Variants in ANTXR2 observed in about 807,000 individuals in gnomAD.
The protein encoded by ANTXR2 is ANTXR cell adhesion molecule 2.
In ANTXR2, 44 loss-of-function variants were observed where a neutral mutation model predicts 73.7. That is an observed-to-expected ratio of 0.60 (90% confidence interval 0.47 to 0.77). ANTXR2 has a LOEUF of 0.77. Ranked by LOEUF, ANTXR2 falls within the 30% of genes least tolerant of loss-of-function variation. The pLI, the probability that ANTXR2 is intolerant of heterozygous loss-of-function variation, is 0.00. For missense variants in ANTXR2, 604 were observed against 592.5 expected (o/e 1.02, Z -0.20); for synonymous variants, 217 against 205.9 (o/e 1.05, Z -0.46).
intron 16 of ANTXR2, among the ~76,000 whole-genome samples, chr4:79,912,881 T>C (rs1252060257): frequency 6.6e-6 from 1 of 152,106 alleles, no homozygotes; most frequent in Non-Finnish European, 1.5e-5. Flanking sequence ...TAACTAAAAA[T>C]ATGATATGAT....
At chr4:80,011,340 ATCTG>A (rs1405848683) in intron 11 of ANTXR2, among the ~76,000 whole-genome samples, 17 of 151,570 alleles carry the variant, frequency 1.1e-4, no homozygotes, top group Admixed American at 2.0e-4. Flanking sequence ...CTATCTATCT[ATCTG>A]TCTGTCTATC....
In ANTXR2 at chr4:79,906,466, C is replaced by T. The variant is rs1203796024; in HGVS notation, c.*963G>A. On this transcript the variant is annotated 3_prime_UTR_variant, in exon 17 of 17. Transcript: ENST00000403729. ...TTGCTGGCTTGTGACGCTGAAGAGC[C>T]CTTGGAGACTTGAAGAAAGAAAAAA... 1.3e-5 allele frequency: 2 copies of T among 152,436 alleles called. No homozygotes were observed. Among genetic ancestry groups the T allele is most frequent in the Admixed American group, 1.3e-4 (2 of 15,236 alleles). The allele number at this position is 152,436 out of a possible 1,614,324, so 9.4% of individuals were successfully genotyped here.
Position 80,069,457 on chromosome 4 carries a change from A to G in ANTXR2, c.275T>C (p.Ile92Thr). The G allele has an allele frequency of 6.2e-7, 1 of 1,605,094 alleles. No individual in the cohort carries two copies. Among genetic ancestry groups the G allele is most frequent in the Admixed American group, 1.7e-5 (1 of 59,462 alleles). Residue 92 changes from isoleucine to threonine, a missense_variant, in exon 3 of 17, where the codon ATT (isoleucine) becomes ACT (threonine). Ile to Thr is a moderately conservative substitution (Grantham distance 89). Transcript: ENST00000403729. Reference sequence around the variant, plus strand: ...TAACCTGTCTCCAGTTAATGGCAAAATAATAGTTGCTTGAGAAGAAAACAC... The same window carrying G: ...TAACCTGTCTCCAGTTAATGGCAAAGTAATAGTTGCTTGAGAAGAAAACAC... ...FIVFSSQATI[I>T]LPLTGDRGKI... is the part of the protein sequence containing the mutation.
chr4:80,067,321 C>A (rs983915574), intron 3 of ANTXR2, among the ~76,000 whole-genome samples: 4 of 152,118 alleles, frequency 2.6e-5, no homozygotes, highest in Admixed American at 1.3e-4. Flanking sequence ...AAGATTTAAA[C>A]CCCTTCCATG....
intron 11 of ANTXR2, among the ~76,000 whole-genome samples, chr4:80,018,616 AATT>A (rs1333593642): frequency 1.3e-5 from 2 of 152,208 alleles, no homozygotes; most frequent in African/African-American, 2.4e-5. Flanking sequence ...TTCATTTGTA[AATT>A]ATTATCTTAC....
intron 7 of ANTXR2, among the ~76,000 whole-genome samples, chr4:80,037,640 T>C (rs1198578818): frequency 1.3e-5 from 2 of 152,158 alleles, no homozygotes; most frequent in African/African-American, 4.8e-5. Flanking sequence ...CATTCACTTT[T>C]ATGGATTCAA....
intron 3 of ANTXR2, among the ~76,000 whole-genome samples, chr4:80,056,441 C>T (rs975105795): frequency 1.3e-5 from 2 of 151,866 alleles, no homozygotes; most frequent in Non-Finnish European, 2.9e-5. Flanking sequence ...TTGTTATCTG[C>T]GAATTGCTAA....
intron 3 of ANTXR2, among the ~76,000 whole-genome samples, chr4:80,068,808 T>C (rs972965099): frequency 5.3e-5 from 8 of 152,128 alleles, no homozygotes; most frequent in Non-Finnish European, 1.2e-4. Context: ...TCAATGACTA[T>C]TTCTAACTTG....
intron 3 of ANTXR2, among the ~76,000 whole-genome samples, chr4:80,066,456 G>A (rs1013433481): frequency 3.3e-5 from 5 of 152,202 alleles, no homozygotes; most frequent in South Asian, 2.1e-4. Flanking sequence ...TATTTAGGAA[G>A]AGACAGAGGA....
At chr4:80,001,670 T>G (rs1460831281) in intron 12 of ANTXR2, among the ~76,000 whole-genome samples, 1 of 150,632 alleles carries the variant, frequency 6.6e-6, no homozygotes, top group East Asian at 2.0e-4. Context: ...CCCATTATTA[T>G]TGTGTGGGAG....
intron 16 of ANTXR2, among the ~76,000 whole-genome samples, chr4:79,910,195 A>T (rs1172569406): frequency 2.0e-5 from 3 of 152,156 alleles, no homozygotes; most frequent in Non-Finnish European, 4.4e-5. Flanking sequence ...AGTGCCTGAC[A>T]TATAGCAAAC....
chr4:80,061,571 T>C (rs1734260378), intron 3 of ANTXR2, among the ~76,000 whole-genome samples: 2 of 152,162 alleles, frequency 1.3e-5, no homozygotes, highest in Admixed American at 6.6e-5. Context: ...CATCCTGAAA[T>C]GTTTCTTTTA....
chr4:80,023,221 G>GT (rs1445211571), intron 10 of ANTXR2, among the ~76,000 whole-genome samples: 1 of 152,122 alleles, frequency 6.6e-6, no homozygotes, highest in African/African-American at 2.4e-5. Context: ...ATGTCAGGCA[G>GT]TTTCATGTAA....
At position 80,072,824 on chromosome 4, in the gene ANTXR2, C is replaced by T; in HGVS notation, c.-264G>A. On this transcript the variant is annotated 5_prime_UTR_variant, in exon 1 of 17. Coordinates refer to ENST00000403729, the MANE Select transcript of ANTXR2 (RefSeq NM_058172.6). ...CCAGTGGAAGCGCGATCCAGTCCTCCCCCTCCCGATTCCGGAGAGTTCCTG... is the reference window on the plus strand; with the variant it reads ...CCAGTGGAAGCGCGATCCAGTCCTCTCCCTCCCGATTCCGGAGAGTTCCTG... The T allele has an allele frequency of 1.3e-6, 1 of 798,002 alleles. No individual in the cohort carries two copies. The highest frequency in any genetic ancestry group is 1.7e-6 in the Non-Finnish European group (1 of 588,244). 49.4% of individuals were successfully genotyped at this position (798,002 alleles called of 1,614,324 possible). A position where few individuals can be genotyped will look rare whatever the true frequency, so the allele number is the denominator to read the frequency against.
At chr4:79,950,258 C>T (rs916169272) in intron 16 of ANTXR2, among the ~76,000 whole-genome samples, 2 of 152,048 alleles carry the variant, frequency 1.3e-5, no homozygotes, top group African/African-American at 2.4e-5. Context: ...TGTGCTATTC[C>T]TCACAAATGT....
At chr4:80,041,521 G>A (rs769327717) in intron 7 of ANTXR2, among the ~76,000 whole-genome samples, 4 of 151,626 alleles carry the variant, frequency 2.6e-5, no homozygotes, top group East Asian at 1.9e-4. Context: ...TGTTACATAC[G>A]TCAACATGTG....
At chr4:80,010,712 C>G (rs986379815) in intron 11 of ANTXR2, among the ~76,000 whole-genome samples, 1 of 152,040 alleles carries the variant, frequency 6.6e-6, no homozygotes, top group Non-Finnish European at 1.5e-5. Flanking sequence ...GCTAGCCCTG[C>G]TAGATACTCA....
In ANTXR2 at chr4:79,984,835, G is replaced by C. The variant is rs534683576; in HGVS notation, c.1070C>G (p.Ala357Gly). The part of the protein sequence containing the change: ...VVIKDPPPPP[A>G]PAPKEEEEEP... The stretch of plus-strand genomic sequence containing the variant: ...CTCACTTACCTCTTTTGGTGCAGGG[G>C]CGGGTGGTGGTGGAGGATCCTTAAT... The change falls in exon 13 of 17, where the codon GCC (alanine) becomes GGC (glycine). Residue 357 changes from alanine to glycine, a missense_variant. Coordinates refer to ENST00000403729, the MANE Select transcript of ANTXR2 (RefSeq NM_058172.6). The C allele has an allele frequency of 2.1e-4, 316 of 1,486,834 alleles. No individual in the cohort carries two copies. Among genetic ancestry groups the C allele is most frequent in the South Asian group, 1.2e-3 (103 of 84,158 alleles). The allele number at this position is 1,486,834 out of a possible 1,614,324, so 92.1% of individuals were successfully genotyped here.
intron 8 of ANTXR2, 140 bp from the exon 9 acceptor site, chr4:80,033,710 C>T: frequency 1.6e-6 from 1 of 628,480 alleles, no homozygotes; most frequent in East Asian, 3.1e-5. Flanking sequence ...GAAGACATAG[C>T]TCTATATTTC....
Sources: gnomAD v4.1 joint callset for allele counts (sites outside exome capture counted in the v4.1 genomes callset) on GRCh38, gnomAD v4.1.1 for gene constraint, MANE v1.5 for transcripts, NCBI Gene and HGNC (gene_info 2026-07-23, HGNC 2026-07-21) for gene names.